ELOC: variants seen among roughly 807,000 people sequenced by gnomAD.
ELOC encodes the protein elongin C.
For synonymous variants in ELOC, 40 were observed against 51.3 expected, an observed-to-expected ratio of 0.78 and a Z score of 0.94; for missense variants, 38 against 139.0, an observed-to-expected ratio of 0.27 and a Z score of 3.65.
At chr8:73,947,049 C>T (rs1249870393) in intron 3 of ELOC, among the ~76,000 whole-genome samples, 2 of 152,094 alleles carry the variant, frequency 1.3e-5, no homozygotes, top group African/African-American at 2.4e-5. Context: ...AGTGCAATGG[C>T]GGGATCTCAG....
chr8:73,962,835 CT>C (rs113696027), intron 1 of ELOC, among the ~76,000 whole-genome samples: 10 of 152,254 alleles, frequency 6.6e-5, no homozygotes, highest in African/African-American at 2.2e-4. Flanking sequence ...TTTCTCCCAC[CT>C]TTGAAAGGGA....
At chr8:73,958,407 A>C (rs1023239742) in intron 2 of ELOC, among the ~76,000 whole-genome samples, 10 of 152,170 alleles carry the variant, frequency 6.6e-5, no homozygotes, top group Non-Finnish European at 1.2e-4. Flanking sequence ...GACCCTAAGA[A>C]GACTAGAATG....
At chr8:73,964,919 T>C (rs907718538) in intron 1 of ELOC, among the ~76,000 whole-genome samples, 3 of 150,368 alleles carry the variant, frequency 2.0e-5, no homozygotes, top group African/African-American at 4.9e-5. Flanking sequence ...CCAAGGTATT[T>C]GGGAGGCTGA....
intron 1 of ELOC, among the ~76,000 whole-genome samples, chr8:73,971,447 G>C (rs1235979637): frequency 6.6e-6 from 1 of 152,156 alleles, no homozygotes. Flanking sequence ...TAAAAGCAAT[G>C]TGGAGTAGAA....
intron 2 of ELOC, among the ~76,000 whole-genome samples, chr8:73,958,255 G>T (rs1353707354): frequency 6.6e-6 from 1 of 152,058 alleles, no homozygotes; most frequent in African/African-American, 2.4e-5. Context: ...ACCATGCCTG[G>T]CTTTGGTCTT....
intron 3 of ELOC, among the ~76,000 whole-genome samples, chr8:73,948,875 GCAAGCAA>G: frequency 7.1e-6 from 1 of 141,812 alleles, no homozygotes; most frequent in Non-Finnish European, 1.6e-5. Context: ...AAGCAAGCAA[GCAAGCAA>G]AAGAAACATT....
chr8:73,950,088 A>G (rs1398295904), intron 3 of ELOC, among the ~76,000 whole-genome samples: 1 of 152,088 alleles, frequency 6.6e-6, no homozygotes, highest in Non-Finnish European at 1.5e-5. Flanking sequence ...TCTACTAAAA[A>G]CAGGGATTTT....
At chr8:73,967,970 G>A (rs556756845) in intron 1 of ELOC, among the ~76,000 whole-genome samples, 1 of 152,254 alleles carries the variant, frequency 6.6e-6, no homozygotes, top group African/African-American at 2.4e-5. Flanking sequence ...ATAAGCAGTA[G>A]AATCCCAAAC....
At chr8:73,953,335 C>T (rs1010423526) in intron 3 of ELOC, among the ~76,000 whole-genome samples, 1 of 151,746 alleles carries the variant, frequency 6.6e-6, no homozygotes, top group Non-Finnish European at 1.5e-5. Context: ...AACAAACCAC[C>T]TAAAACCCAC....
Position 73,965,123 on chromosome 8 carries a change from C to T in ELOC, c.-50-5305G>A, listed in dbSNP as rs147893102. ...ACGAACTGGAAAAAAATATTCACAA[C>T]GCGTATCTGACAATGGATTTGCATC... On this transcript the variant is annotated intron_variant, in intron 1 of 3. Coordinates refer to ENST00000520242, the MANE Select transcript of ELOC (RefSeq NM_005648.4). 4.6e-4 allele frequency among the ~76,000 whole-genome samples: 67 copies of T among 146,406 alleles called. No homozygotes were observed. In the East Asian group the frequency reaches 0.012, roughly 27 times the overall value.
At chr8:73,967,827 A>G (rs1228029178) in intron 1 of ELOC, among the ~76,000 whole-genome samples, 1 of 152,250 alleles carries the variant, frequency 6.6e-6, no homozygotes, top group African/African-American at 2.4e-5. Flanking sequence ...CTATTAAAAC[A>G]TTTAAAAACC....
At chr8:73,954,844 CAATATGGTGAAAACCCCGTCTCTACT>C (rs1043502661) in intron 3 of ELOC, among the ~76,000 whole-genome samples, 10 of 151,138 alleles carry the variant, frequency 6.6e-5, no homozygotes, top group African/African-American at 2.4e-4. Context: ...CCAGTCCGAC[CAATATGGTGAAAACCCCGTCTCTACT>C]AAAAATACAA....
intron 1 of ELOC, among the ~76,000 whole-genome samples, chr8:73,960,723 T>A (rs1020694511): frequency 1.3e-5 from 2 of 152,186 alleles, no homozygotes; most frequent in African/African-American, 4.8e-5. Context: ...AAGTTCTGGA[T>A]CTTGTATTTA....
intron 1 of ELOC, among the ~76,000 whole-genome samples, chr8:73,960,193 G>A (rs901465684): frequency 2.0e-5 from 3 of 152,126 alleles, no homozygotes; most frequent in African/African-American, 4.8e-5. Context: ...TAATTATCGA[G>A]AAAAAACTGC....
intron 3 of ELOC, among the ~76,000 whole-genome samples, chr8:73,951,913 G>A (rs1586595624): frequency 6.6e-6 from 1 of 152,190 alleles, no homozygotes. Context: ...CAACAAGGGT[G>A]CTATGGGGAA....
At chr8:73,964,358 TG>T (rs1208600121) in intron 1 of ELOC, 3 of 151,850 alleles carry the variant, frequency 2.0e-5, no homozygotes, top group Non-Finnish European at 2.9e-5. Context: ...CAAAGGAAGC[TG>T]GAACAATATC....
chr8:73,970,869 CA>C (rs1241950163), intron 1 of ELOC, among the ~76,000 whole-genome samples: 45 of 127,804 alleles, frequency 3.5e-4, no homozygotes, highest in African/African-American at 1.2e-3. Context: ...CAAAACAAAA[CA>C]AAAAAAAAAC....
chr8:73,967,958 A>T (rs1468608466), intron 1 of ELOC, among the ~76,000 whole-genome samples: 4 of 152,208 alleles, frequency 2.6e-5, no homozygotes, highest in Non-Finnish European at 5.9e-5. Flanking sequence ...CGAGGTTCAC[A>T]GATAAGCAGT....
intron 1 of ELOC, among the ~76,000 whole-genome samples, chr8:73,963,472 A>G (rs1414188806): frequency 6.6e-6 from 1 of 152,106 alleles, no homozygotes. Flanking sequence ...CTGAAAGGCT[A>G]TTGCTCGTGT....
Sources: gnomAD v4.1 joint callset for allele counts (sites outside exome capture counted in the v4.1 genomes callset) on GRCh38, gnomAD v4.1.1 for gene constraint, MANE v1.5 for transcripts, NCBI Gene and HGNC (gene_info 2026-07-23, HGNC 2026-07-21) for gene names.